CNTN4: variants seen among roughly 807,000 people sequenced by gnomAD.
CNTN4 encodes the protein contactin 4.
In CNTN4, 77 loss-of-function variants were observed where a neutral mutation model predicts 122.5. The ratio of observed to expected loss-of-function variants is 0.63; its 90% CI spans 0.52 to 0.76. The LOEUF (loss-of-function observed/expected upper bound fraction) is 0.76, where lower values mean the gene tolerates loss of function less well. CNTN4 is among the 30% of genes least tolerant of loss of function. CNTN4 has a pLI of 0.00. For synonymous variants in CNTN4, 512 were observed against 447.0 expected (o/e 1.15, Z -1.83); for missense variants, 1,256 against 1,259.1 (o/e 1.00, Z 0.04).
chr3:2,679,862 C>T (rs1332185761), intron 4 of CNTN4, among the ~76,000 whole-genome samples: 1 of 152,164 alleles, frequency 6.6e-6, no homozygotes, highest in Non-Finnish European at 1.5e-5. Context: ...TTGTCTGCCT[C>T]ACCCAATAAA....
intron 2 of CNTN4, among the ~76,000 whole-genome samples, chr3:2,181,745 T>TA (rs1267240262): frequency 6.6e-6 from 1 of 152,146 alleles, no homozygotes; most frequent in Non-Finnish European, 1.5e-5. Flanking sequence ...ACTGAACTAT[T>TA]AAAAACATTT....
At chr3:2,876,018 G>A (rs1455259880) in intron 8 of CNTN4, among the ~76,000 whole-genome samples, 1 of 152,158 alleles carries the variant, frequency 6.6e-6, no homozygotes, top group Non-Finnish European at 1.5e-5. Flanking sequence ...GGTTATCTCT[G>A]CATTTTCAAT....
chr3:2,604,408 C>T (rs1398127153), intron 4 of CNTN4, among the ~76,000 whole-genome samples: 1 of 152,060 alleles, frequency 6.6e-6, no homozygotes, highest in East Asian at 1.9e-4. Flanking sequence ...GCTTTGGAGA[C>T]GTTGCAGAAA....
intron 3 of CNTN4, among the ~76,000 whole-genome samples, chr3:2,482,759 A>G (rs1302843611): frequency 6.6e-6 from 1 of 152,166 alleles, no homozygotes; most frequent in East Asian, 1.9e-4. Context: ...CAGCTTCCAC[A>G]TGGTGTTGGT....
In CNTN4 at chr3:2,956,119, A is replaced by G. The variant is rs908104231; in HGVS notation, c.1358+30340A>G. 7.9e-5 allele frequency among the ~76,000 whole-genome samples: 12 copies of G among 152,348 alleles called. 1 individual carries two copies. Among genetic ancestry groups the G allele is most frequent in the East Asian group, 5.8e-4 (3 of 5,190 alleles). On this transcript the variant is annotated intron_variant, in intron 13 of 24. Transcript: ENST00000418658. ...TTTTCCAGCCTTAACTAGGAATGAA[A>G]TTCTAACACATGCTGCCATATGGAT... is the stretch of plus-strand genomic sequence containing the variant.
At chr3:2,840,648 A>G (rs4684364) in intron 7 of CNTN4, among the ~76,000 whole-genome samples, 106,195 of 124,540 alleles carry the variant, frequency 0.85, 47,152 homozygotes, top group Non-Finnish European at 0.96. Context: ...GCAGTGAGCC[A>G]AGATCACACC....
intron 4 of CNTN4, among the ~76,000 whole-genome samples, chr3:2,677,482 ATATC>A (rs68070708): frequency 0.073 from 8,515 of 116,984 alleles, 1,634 homozygotes; most frequent in Middle Eastern, 0.13. Context: ...CTATCCATCT[ATATC>A]TATCTATCTA....
chr3:2,772,769 A>G (rs564047837), intron 6 of CNTN4, among the ~76,000 whole-genome samples: 3 of 152,356 alleles, frequency 2.0e-5, no homozygotes, highest in South Asian at 2.1e-4. Flanking sequence ...ACATGAACAT[A>G]AAGATTAGAT....
chr3:2,228,760 A>C (rs762333163), intron 2 of CNTN4, among the ~76,000 whole-genome samples: 1 of 152,172 alleles, frequency 6.6e-6, no homozygotes, highest in African/African-American at 2.4e-5. Flanking sequence ...GTTTAGACTT[A>C]TTTAAAAACA....
At chr3:3,005,905 A>T (rs1476539829) in intron 14 of CNTN4, among the ~76,000 whole-genome samples, 25 of 52,276 alleles carry the variant, frequency 4.8e-4, no homozygotes, top group South Asian at 6.8e-4. Context: ...TTTTTTTTTG[A>T]GACGGATTCT....
intron 2 of CNTN4, among the ~76,000 whole-genome samples, chr3:2,221,983 CATCTT>C (rs1227602858): frequency 6.6e-6 from 1 of 152,166 alleles, no homozygotes; most frequent in Non-Finnish European, 1.5e-5. Flanking sequence ...ATTTGGTAGA[CATCTT>C]AACAATTCCT....
intron 2 of CNTN4, among the ~76,000 whole-genome samples, chr3:2,267,293 C>G (rs78849706): frequency 0.1 from 15,393 of 152,146 alleles, 937 homozygotes; most frequent in Middle Eastern, 0.16. Context: ...GCTTAAATAT[C>G]TCCTCTTCTC....
chr3:2,332,765 T>C (rs1293657376), intron 2 of CNTN4, among the ~76,000 whole-genome samples: 4 of 149,606 alleles, frequency 2.7e-5, no homozygotes, highest in East Asian at 4.0e-4. Context: ...CTTTAGGAGA[T>C]ATACCTAATG....
chr3:2,925,391 T>C (rs1214493269), intron 12 of CNTN4, among the ~76,000 whole-genome samples: 3 of 151,856 alleles, frequency 2.0e-5, no homozygotes, highest in Admixed American at 6.6e-5. Context: ...CCATCACTAC[T>C]AAAATACAAA....
At chr3:2,172,310 C>G (rs1489374905) in intron 2 of CNTN4, among the ~76,000 whole-genome samples, 1 of 152,038 alleles carries the variant, frequency 6.6e-6, no homozygotes, top group Non-Finnish European at 1.5e-5. Context: ...AATGGAAAAC[C>G]AAACATTGTA....
At position 2,874,819 on chromosome 3, in the gene CNTN4, T is replaced by G. The variant is rs577144175; in HGVS notation, c.652+7870T>G. Among the ~76,000 whole-genome samples, 152 of 152,178 alleles carry G rather than the reference T, an allele frequency of 1.0e-3. 2 individuals are homozygous for G. The highest frequency in any genetic ancestry group is 3.5e-3 in the African/African-American group (146 of 41,532). On this transcript the variant is annotated intron_variant, in intron 8 of 24. Coordinates refer to ENST00000418658, the MANE Select transcript of CNTN4 (RefSeq NM_175607.3). ...AAATAATTCCAGGCAGCAGGCAGAT[T>G]ATTTGTTTTAACTAGGAATTGGCAA...
chr3:2,945,651 A>G (rs893154729), intron 13 of CNTN4, among the ~76,000 whole-genome samples: 2 of 152,174 alleles, frequency 1.3e-5, no homozygotes, highest in Non-Finnish European at 2.9e-5. Context: ...GCAAATCTGA[A>G]GAAAATAAAA....
chr3:2,751,891 T>C lies in CNTN4; in HGVS notation c.358+6194T>C, dbSNP rs1042868188. ...GGGCTTGAGAAGATGAGATGTTATA[T>C]TGACTAAGTTTAGAGGGAATCAAAT... On this transcript the variant is annotated intron_variant, in intron 6 of 24. Transcript: ENST00000418658. Among the ~76,000 whole-genome samples the C allele has an allele frequency of 3.9e-5, 6 of 152,190 alleles. No individual in the cohort carries two copies. The South Asian group carries it at 1.0e-3, about 26-fold the overall frequency.
chr3:2,781,865 C>G (rs1430667765), intron 6 of CNTN4, among the ~76,000 whole-genome samples: 1 of 89,508 alleles, frequency 1.1e-5, no homozygotes, highest in Non-Finnish European at 2.1e-5. Context: ...GCTGGGACTG[C>G]AGGCGCCCGC....
Sources: allele counts gnomAD v4.1 joint callset (sites outside exome capture counted in the v4.1 genomes callset), GRCh38; gene constraint gnomAD v4.1.1; transcripts MANE v1.5; gene names NCBI Gene and HGNC (gene_info 2026-07-23, HGNC 2026-07-21).